PRRC2C: variants seen among roughly 807,000 people sequenced by gnomAD.
The protein encoded by PRRC2C is protein PRRC2C.
In PRRC2C, 72 loss-of-function variants were observed where a neutral mutation model predicts 317.2. That is an observed-to-expected ratio of 0.23 (90% CI 0.19 to 0.28). The LOEUF is 0.28. PRRC2C is among the 10% of genes least tolerant of loss of function. The pLI is 1.00. For missense variants in PRRC2C, 3,074 were observed against 3,459.7 expected (o/e 0.89, Z 2.80); for synonymous variants, 1,296 against 1,205.9 (o/e 1.07, Z -1.55).
chr1:171,490,344 TC>T (rs750030470), intron 1 of PRRC2C, among the ~76,000 whole-genome samples: 89 of 152,230 alleles, frequency 5.8e-4, no homozygotes, highest in Non-Finnish European at 1.1e-3. Flanking sequence ...GTCTTTGTAT[TC>T]CACCCTTTGG....
intron 1 of PRRC2C, chr1:171,511,025 G>A (rs886418849): frequency 3.3e-5 from 5 of 152,070 alleles, no homozygotes; most frequent in African/African-American, 7.2e-5. Flanking sequence ...CGGATGAAAC[G>A]AAATTTATAA....
Position 171,571,347 on chromosome 1 carries a change from C to T in PRRC2C, c.6679C>T (p.Pro2227Ser), listed in dbSNP as rs749749081. ...NVPLPNTLPL[P>S]KRETIQQSSS... ...GCCCCTGCCCAACACCCTTCCCCTC[C>T]CTAAGAGGGAGACTATACAACAGAG... The change falls in exon 24 of 35, where the codon CCT (proline) becomes TCT (serine). Residue 2227 changes from proline to serine, a missense_variant. Pro to Ser is a moderately conservative substitution (Grantham distance 74). Coordinates refer to ENST00000647382, the MANE Select transcript of PRRC2C (RefSeq NM_001387844.1). 2 of 1,612,054 alleles carry T rather than the reference C, an allele frequency of 1.2e-6. No individual in the cohort carries two copies. The highest frequency in any genetic ancestry group is 8.5e-7 in the Non-Finnish European group (1 of 1,178,186).
intron 1 of PRRC2C, among the ~76,000 whole-genome samples, chr1:171,504,820 T>C (rs763543713): frequency 1.3e-5 from 2 of 152,170 alleles, no homozygotes; most frequent in Admixed American, 6.5e-5. Context: ...TGTCCTCCAA[T>C]AAATTTCTTC....
intron 17 of PRRC2C, among the ~76,000 whole-genome samples, chr1:171,549,704 G>A (rs965619361): frequency 3.3e-5 from 5 of 151,990 alleles, no homozygotes; most frequent in Non-Finnish European, 5.9e-5. Context: ...TGGGACTACA[G>A]GTATATACCA....
In PRRC2C at chr1:171,566,600, T is replaced by G; in HGVS notation, c.6315T>G (p.Asp2105Glu). The G allele has an allele frequency of 6.3e-7, 1 of 1,578,164 alleles. No individual in the cohort carries two copies. The highest frequency in any genetic ancestry group is 8.6e-7 in the Non-Finnish European group (1 of 1,163,806). The change falls in exon 22 of 35, where the codon GAT becomes GAG. Residue 2105 changes from aspartate (D) to glutamate (E), a missense_variant. Coordinates refer to ENST00000647382, the MANE Select transcript of PRRC2C (RefSeq NM_001387844.1). Reference sequence around the variant, plus strand: ...TAAACATTTGACTTTAGCTTCCAGATTTGAGTCCAGTAGAAAACAAAGAAC... The same window carrying G: ...TAAACATTTGACTTTAGCTTCCAGAGTTGAGTCCAGTAGAAAACAAAGAAC... ...AGPIKAQKLPDLSPVENKEHK... is the reference protein window; with the variant it reads ...AGPIKAQKLPELSPVENKEHK...
At chr1:171,560,684 A>G (rs1472839866) in intron 19 of PRRC2C, among the ~76,000 whole-genome samples, 1 of 152,212 alleles carries the variant, frequency 6.6e-6, no homozygotes, top group Non-Finnish European at 1.5e-5. Flanking sequence ...TAAAAAGTAT[A>G]CATCTTTTTT....
chr1:171,539,412 A>G (rs546553550), intron 15 of PRRC2C, among the ~76,000 whole-genome samples: 54 of 152,368 alleles, frequency 3.5e-4, no homozygotes, highest in African/African-American at 1.2e-3. Flanking sequence ...AGTGTTATAC[A>G]GCAAATCTCC....
chr1:171,534,109 A>T (rs1676375504), intron 12 of PRRC2C, among the ~76,000 whole-genome samples: 1 of 152,206 alleles, frequency 6.6e-6, no homozygotes, highest in Non-Finnish European at 1.5e-5. Context: ...ATGCAGGGTT[A>T]CCTTCAAACT....
At chr1:171,514,437 A>G (rs754346196) in intron 3 of PRRC2C, 99 bp from the exon 4 acceptor site, 2 of 896,544 alleles carry the variant, frequency 2.2e-6, no homozygotes, top group Non-Finnish European at 3.3e-6. Flanking sequence ...GAATAAACAT[A>G]TAGCCAAAAT....
chr1:171,574,759 G>C (rs1427784442), intron 24 of PRRC2C, among the ~76,000 whole-genome samples, 168 bp from the exon 25 acceptor site: 1 of 152,206 alleles, frequency 6.6e-6, no homozygotes, highest in African/African-American at 2.4e-5. Context: ...CAAATGGAAA[G>C]TCTGAAATCC....
chr1:171,497,912 T>A (rs1668418933), intron 1 of PRRC2C, among the ~76,000 whole-genome samples: 1 of 151,328 alleles, frequency 6.6e-6, no homozygotes, highest in Non-Finnish European at 1.5e-5. Context: ...CCTCCTAGGC[T>A]CCAGTGAGCC....
intron 1 of PRRC2C, among the ~76,000 whole-genome samples, chr1:171,504,225 A>G (rs1460322752): frequency 2.0e-5 from 3 of 151,964 alleles, no homozygotes; most frequent in Non-Finnish European, 2.9e-5. Flanking sequence ...TGATTTGACA[A>G]TTTTTTTTCC....
intron 18 of PRRC2C, among the ~76,000 whole-genome samples, chr1:171,551,837 C>T (rs1292818759): frequency 6.6e-6 from 1 of 152,124 alleles, no homozygotes; most frequent in Non-Finnish European, 1.5e-5. Flanking sequence ...GTTTTGGTAC[C>T]AGTACCATGC....
chr1:171,536,726 T>G (rs1000738839), intron 14 of PRRC2C, among the ~76,000 whole-genome samples: 2 of 152,136 alleles, frequency 1.3e-5, no homozygotes, highest in African/African-American at 2.4e-5. Context: ...TCAGAATAAA[T>G]CAAGATAATC....
In PRRC2C at chr1:171,589,324, T is replaced by G; in HGVS notation, c.8200-45T>G. 4.2e-6 allele frequency: 3 copies of G among 713,162 alleles called. No individual in the cohort carries two copies. In the South Asian group the frequency reaches 5.4e-5, roughly 13 times the overall value. 44.2% of individuals were successfully genotyped at this position (713,162 alleles called of 1,614,324 possible). ...TAGTTGGCAGTTTTTTTTTTTTTTT[T>G]TTTTTTAACAGTTCAATGTTGTATG... On this transcript the variant is annotated intron_variant, in intron 33 of 34. Transcript: ENST00000647382.
At chr1:171,521,334 C>CA (rs1209268813) in intron 6 of PRRC2C, among the ~76,000 whole-genome samples, 1 of 152,284 alleles carries the variant, frequency 6.6e-6, no homozygotes, top group South Asian at 2.1e-4. Flanking sequence ...TTCTTCCCTT[C>CA]AAAATCATAG....
intron 16 of PRRC2C, among the ~76,000 whole-genome samples, chr1:171,542,462 A>G (rs1678118995): frequency 6.6e-6 from 1 of 152,206 alleles, no homozygotes; most frequent in South Asian, 2.1e-4. Flanking sequence ...TTCTCTTGGA[A>G]ACTTGTAGCT....
chr1:171,524,450 G>C (rs1237922633), intron 9 of PRRC2C, among the ~76,000 whole-genome samples: 3 of 152,164 alleles, frequency 2.0e-5, no homozygotes, highest in Admixed American at 1.3e-4. Context: ...AAAAAATACT[G>C]TAGTTTGATT....
intron 1 of PRRC2C, among the ~76,000 whole-genome samples, chr1:171,502,813 TC>T (rs1669377772): frequency 6.6e-6 from 1 of 152,158 alleles, no homozygotes; most frequent in Non-Finnish European, 1.5e-5. Flanking sequence ...AACCTCCACT[TC>T]CTGGGTTCAA....
Sources: allele counts gnomAD v4.1 joint callset (sites outside exome capture counted in the v4.1 genomes callset), GRCh38; gene constraint gnomAD v4.1.1; transcripts MANE v1.5; gene names NCBI Gene and HGNC (gene_info 2026-07-23, HGNC 2026-07-21).